LRP1B: variants seen among roughly 807,000 people sequenced by gnomAD.
LRP1B encodes the protein low-density lipoprotein receptor-related protein 1B.
Under a neutral mutation model 556.6 loss-of-function variants are expected in LRP1B, and 217 were observed. That is an observed-to-expected ratio of 0.39 (90% confidence interval 0.35 to 0.44). The LOEUF (loss-of-function observed/expected upper bound fraction) is 0.44, where lower values mean the gene tolerates loss of function less well. LRP1B is among the 20% of genes least tolerant of loss of function. The probability of loss-of-function intolerance (pLI) is 1.00; values close to 1 mark genes in which losing one functional copy is unlikely to be tolerated. For synonymous variants in LRP1B, 2,047 were observed against 1,865.8 expected, an observed-to-expected ratio of 1.10 and a Z score of -2.50; for missense variants, 5,053 against 5,620.8, an observed-to-expected ratio of 0.90 and a Z score of 3.23.
At chr2:141,944,185 G>T (rs543392121) in intron 1 of LRP1B, among the ~76,000 whole-genome samples, 4 of 152,198 alleles carry the variant, frequency 2.6e-5, no homozygotes, top group African/African-American at 7.2e-5. Context: ...CCAGCTGGGA[G>T]GAGTATTTAT....
intron 7 of LRP1B, among the ~76,000 whole-genome samples, chr2:141,095,505 A>G (rs1700275944): frequency 6.7e-6 from 1 of 150,334 alleles, no homozygotes; most frequent in Non-Finnish European, 1.5e-5. Flanking sequence ...TTTTTTTTCT[A>G]GAGGAAACTC....
intron 77 of LRP1B, among the ~76,000 whole-genome samples, chr2:140,350,277 T>C (rs1366898511): frequency 6.6e-6 from 1 of 152,044 alleles, no homozygotes; most frequent in Non-Finnish European, 1.5e-5. Flanking sequence ...ATGTCCAGCA[T>C]ACACAAGTGC....
At chr2:140,861,157 A>G (rs1266464391) in intron 27 of LRP1B, among the ~76,000 whole-genome samples, 1 of 152,222 alleles carries the variant, frequency 6.6e-6, no homozygotes, top group Non-Finnish European at 1.5e-5. Flanking sequence ...CTGTAATCCC[A>G]GAACTTTGGG....
chr2:141,821,230 C>T (rs1696742067), intron 1 of LRP1B, among the ~76,000 whole-genome samples: 4 of 152,196 alleles, frequency 2.6e-5, no homozygotes, highest in Admixed American at 1.3e-4. Context: ...CTTCGATTCC[C>T]TCAATTTGTG....
chr2:141,720,539 G>A (rs1036987088), intron 2 of LRP1B, among the ~76,000 whole-genome samples: 2 of 152,030 alleles, frequency 1.3e-5, no homozygotes, highest in Non-Finnish European at 2.9e-5. Flanking sequence ...TTCATCAGAA[G>A]ACTCTTCAGT....
Position 140,247,105 on chromosome 2 carries a change from C to T in LRP1B, c.13305G>A (p.Lys4435=). 2.5e-6 allele frequency: 4 copies of T among 1,609,240 alleles called. No homozygotes were observed. The highest frequency in any genetic ancestry group is 3.4e-6 in the Non-Finnish European group (4 of 1,176,604). The part of the protein sequence containing the change: ...QCERPAPKSS[K]SDHISTRSIA... Reference sequence around the variant, plus strand: ...ACTTACTTGTGCTGATATGATCAGACTTGCTGCTCTTTGGGGCTGGCCTTT... The same window carrying T: ...ACTTACTTGTGCTGATATGATCAGATTTGCTGCTCTTTGGGGCTGGCCTTT... The change falls in exon 87 of 91, where the codon AAG becomes AAA. Residue 4435 remains lysine, a synonymous_variant. Transcript: ENST00000389484.
chr2:140,369,998 T>C (rs964601199), intron 71 of LRP1B, among the ~76,000 whole-genome samples: 2 of 151,938 alleles, frequency 1.3e-5, no homozygotes, highest in African/African-American at 4.8e-5. Flanking sequence ...AAAATGAAAC[T>C]AGCAAACATG....
At chr2:141,127,348 A>G (rs762418294) in intron 7 of LRP1B, among the ~76,000 whole-genome samples, 1 of 152,198 alleles carries the variant, frequency 6.6e-6, no homozygotes, top group Non-Finnish European at 1.5e-5. Context: ...TCAAGGATCT[A>G]GAACCAGAAA....
chr2:142,073,248 C>T (rs1705387629), intron 1 of LRP1B, among the ~76,000 whole-genome samples: 1 of 151,892 alleles, frequency 6.6e-6, no homozygotes, highest in Admixed American at 6.6e-5. Flanking sequence ...CTCCTCTTTA[C>T]AATGATTATG....
At chr2:141,468,137 G>A (rs1682315796) in intron 3 of LRP1B, among the ~76,000 whole-genome samples, 1 of 152,082 alleles carries the variant, frequency 6.6e-6, no homozygotes, top group African/African-American at 2.4e-5. Flanking sequence ...TATTGTGTTA[G>A]GCAACATTAG....
intron 7 of LRP1B, among the ~76,000 whole-genome samples, chr2:141,160,160 T>C (rs879612717): frequency 2.6e-5 from 4 of 152,094 alleles, no homozygotes; most frequent in Non-Finnish European, 4.4e-5. Context: ...TATAAGCACA[T>C]GAGGTTTAAC....
chr2:141,536,648 G>C (rs1366029002), intron 2 of LRP1B, among the ~76,000 whole-genome samples: 1 of 152,040 alleles, frequency 6.6e-6, no homozygotes, highest in Non-Finnish European at 1.5e-5. Context: ...TGCAAAGAAA[G>C]CTGACTAGAA....
chr2:140,330,088 T>C (rs1169495324), intron 79 of LRP1B, among the ~76,000 whole-genome samples: 1 of 151,222 alleles, frequency 6.6e-6, no homozygotes, highest in Non-Finnish European at 1.5e-5. Context: ...TAATCCCAGC[T>C]ACTTGGGAGG....
intron 3 of LRP1B, among the ~76,000 whole-genome samples, chr2:141,350,415 G>T (rs570311787): frequency 2.6e-5 from 4 of 152,052 alleles, no homozygotes; most frequent in Non-Finnish European, 4.4e-5. Context: ...CAAAGGGAAG[G>T]TTTGAAAGAA....
chr2:140,331,177 C>A (rs1160413492), intron 79 of LRP1B, among the ~76,000 whole-genome samples: 2 of 152,040 alleles, frequency 1.3e-5, no homozygotes, highest in Non-Finnish European at 2.9e-5. Context: ...AACCCAAATG[C>A]CCACCAATGA....
intron 1 of LRP1B, among the ~76,000 whole-genome samples, chr2:141,966,927 G>T (rs999339982): frequency 6.6e-6 from 1 of 151,824 alleles, no homozygotes; most frequent in African/African-American, 2.4e-5. Flanking sequence ...TCAGGATGGT[G>T]CTGGCTTCCA....
intron 41 of LRP1B, among the ~76,000 whole-genome samples, chr2:140,645,380 G>T (rs1180731788): frequency 6.6e-6 from 1 of 151,884 alleles, no homozygotes; most frequent in Non-Finnish European, 1.5e-5. Context: ...TGACTAAAAT[G>T]ATTGTTACCA....
At position 140,385,901 on chromosome 2, in the gene LRP1B, T is replaced by C; in HGVS notation, c.10523A>G (p.Glu3508Gly). Residue 3508 changes from glutamate to glycine, a missense_variant, in exon 67 of 91, where the codon GAA becomes GGA. This residue lies in a region of LRP1B where 262 missense variants were observed against 395.1 expected (regional missense o/e 0.66). Transcript: ENST00000389484. ...AGGCAAGAGTTACTTACTACAGTTTTCTTCATCTGAATTATCACTGCAGTC... is the reference window on the plus strand; with the variant it reads ...AGGCAAGAGTTACTTACTACAGTTTCCTTCATCTGAATTATCACTGCAGTC... ...QNDCSDNSDE[E>G]NCKPQTCTLK... The C allele has an allele frequency of 1.2e-6, 2 of 1,606,044 alleles. No individual in the cohort carries two copies. The highest frequency in any genetic ancestry group is 1.7e-6 in the Non-Finnish European group (2 of 1,172,808).
In LRP1B at chr2:141,291,855, C is replaced by CAAAAAAA. The variant is rs143819331; in HGVS notation, c.344-37221_344-37215dup. On this transcript the variant is annotated intron_variant, in intron 3 of 90. Coordinates refer to ENST00000389484, the MANE Select transcript of LRP1B (RefSeq NM_018557.3). ...TGGGCGAAAGAGCGAGACTCTGTCT[C>CAAAAAAA]AAAAAAAAAAAAAAAAAAAAAAAAA... 4.7e-3 allele frequency among the ~76,000 whole-genome samples: 466 copies of CAAAAAAA among 99,258 alleles called. 31 individuals are homozygous for CAAAAAAA. The highest frequency in any genetic ancestry group is 5.3e-3 in the African/African-American group (118 of 22,196). 65.1% of individuals were successfully genotyped at this position (99,258 alleles called of 152,430 possible).
Sources: allele counts gnomAD v4.1 joint callset (sites outside exome capture counted in the v4.1 genomes callset), GRCh38; gene constraint gnomAD v4.1.1; regional missense constraint gnomAD v4.1.1; transcripts MANE v1.5; gene names NCBI Gene and HGNC (gene_info 2026-07-23, HGNC 2026-07-21).